SORL1: variants seen among roughly 807,000 people sequenced by gnomAD.
The protein encoded by SORL1 is sortilin related receptor 1.
A neutral mutation model predicts 273.7 loss-of-function variants in SORL1; 127 were observed. The ratio of observed to expected loss-of-function variants is 0.46; its 90% confidence interval spans 0.40 to 0.54. The LOEUF is 0.54. Among genes scored for constraint, SORL1 ranks in the 20% least tolerant of loss-of-function variants. The pLI, the probability that SORL1 is intolerant of heterozygous loss-of-function variation, is 0.00. For missense variants in SORL1, 2,494 were observed against 2,846.1 expected, an observed-to-expected ratio of 0.88 and a Z score of 2.81; for synonymous variants, 1,031 against 1,067.4, an observed-to-expected ratio of 0.97 and a Z score of 0.66.
chr11:121,561,516 G>A (rs1345011892), intron 21 of SORL1, among the ~76,000 whole-genome samples: 1 of 152,080 alleles, frequency 6.6e-6, no homozygotes, highest in East Asian at 1.9e-4. Context: ...TAGATGACAG[G>A]CTGGTTTAAA....
chr11:121,506,674 T>A (rs1861792088), intron 6 of SORL1, among the ~76,000 whole-genome samples: 1 of 152,218 alleles, frequency 6.6e-6, no homozygotes, highest in Non-Finnish European at 1.5e-5. Flanking sequence ...TTTTCATCCT[T>A]GTAGTTTCAA....
At chr11:121,626,831 G>A (rs951948529) in intron 46 of SORL1, 1 of 152,240 alleles carries the variant, frequency 6.6e-6, no homozygotes, top group African/African-American at 2.4e-5. Flanking sequence ...CCAGCAGGAT[G>A]GGACGTGGGG....
At chr11:121,470,364 T>C (rs1192472757) in intron 2 of SORL1, among the ~76,000 whole-genome samples, 2 of 152,232 alleles carry the variant, frequency 1.3e-5, no homozygotes, top group Non-Finnish European at 2.9e-5. Flanking sequence ...TAATAGCATA[T>C]GGACTGGATT....
chr11:121,611,779 G>C (rs533407831), intron 39 of SORL1: 1 of 152,428 alleles, frequency 6.6e-6, no homozygotes, highest in South Asian at 2.1e-4. Context: ...GCAACCTTCA[G>C]AGTCTTTCTG....
In SORL1 at chr11:121,631,046, G is replaced by A. The variant is rs1133174; in HGVS notation, c.*1483G>A. 0.55 allele frequency: 84,184 copies of A among 154,146 alleles called. 24,625 individuals are homozygous for A. Among genetic ancestry groups the A allele is most frequent in the East Asian group, 0.77 (4,199 of 5,480 alleles). 9.5% of individuals were successfully genotyped at this position (154,146 alleles called of 1,614,324 possible). ...ATGTCTCTGAATATGTGTCCTTGAC[G>A]TGCAAGCTTTGTAAAACCCCATCCC... On this transcript the variant is annotated 3_prime_UTR_variant, in exon 48 of 48. Transcript: ENST00000260197.
In SORL1 at chr11:121,612,800, T is replaced by C; in HGVS notation, c.5387T>C (p.Leu1796Ser). The C allele has an allele frequency of 6.2e-7, 1 of 1,614,092 alleles. No individual in the cohort carries two copies. The highest frequency in any genetic ancestry group is 8.5e-7 in the Non-Finnish European group (1 of 1,179,930). Residue 1796 changes from leucine to serine, a missense_variant, in exon 40 of 48, where the codon TTG becomes TCG. Coordinates refer to ENST00000260197, the MANE Select transcript of SORL1 (RefSeq NM_003105.6). ...ACCCACAAGCAAGAGAGGAGAACTTTGAACTTCCGAGGAAGCATATTGTCA... is the reference window on the plus strand; with the variant it reads ...ACCCACAAGCAAGAGAGGAGAACTTCGAACTTCCGAGGAAGCATATTGTCA... The part of the protein sequence containing the change: ...FDTHKQERRT[L>S]NFRGSILSHK...
rs780503121 is a variant in SORL1, at chr11:121,452,565, G to A, written c.234G>A (p.Arg78=). 4.6e-6 allele frequency: 7 copies of A among 1,517,448 alleles called. No homozygotes were observed. Among genetic ancestry groups the A allele is most frequent in the Non-Finnish European group, 5.3e-6 (6 of 1,140,346 alleles). 94.0% of individuals were successfully genotyped at this position (1,517,448 alleles called of 1,614,324 possible). Residue 78 remains arginine (R), a synonymous_variant, in exon 1 of 48, where the codon CGG becomes CGA. Coordinates refer to ENST00000260197, the MANE Select transcript of SORL1 (RefSeq NM_003105.6). The surrounding 1 kb of genome is among the most constrained non-coding windows in gnomAD (Gnocchi z 5.3). ...GASRADEKPL[R]RKRSAALQPE... is the part of the protein sequence containing the mutation. ...GCCGCGCGGACGAGAAGCCGCTCCG[G>A]AGGAAACGGAGCGCTGCCCTGCAGC...
chr11:121,490,787 T>A lies in SORL1; in HGVS notation c.758+677T>A, dbSNP rs1399091931. 6.2e-4 allele frequency among the ~76,000 whole-genome samples: 94 copies of A among 151,982 alleles called. 1 individual carries two copies. The highest frequency in any genetic ancestry group is 6.2e-3 in the Admixed American group (94 of 15,208). On this transcript the variant is annotated intron_variant, in intron 5 of 47. Transcript: ENST00000260197. ...TCCTGCATTTGTTCATAACATTTTC[T>A]TGAATGTCTGTTAAATATAAAACCT...
intron 11 of SORL1, among the ~76,000 whole-genome samples, chr11:121,531,764 A>G (rs951776083): frequency 4.6e-5 from 7 of 152,336 alleles, no homozygotes; most frequent in African/African-American, 1.2e-4. Context: ...GTTCATATAC[A>G]AAATTAGGGG....
intron 18 of SORL1, among the ~76,000 whole-genome samples, chr11:121,556,245 T>G (rs958925729): frequency 6.6e-6 from 1 of 152,088 alleles, no homozygotes; most frequent in Non-Finnish European, 1.5e-5. Flanking sequence ...GAGCTTAGAT[T>G]TTAGTGGAGG....
At chr11:121,618,296 C>T (rs1230601499) in intron 41 of SORL1, among the ~76,000 whole-genome samples, 1 of 152,184 alleles carries the variant, frequency 6.6e-6, no homozygotes, top group Admixed American at 6.5e-5. Context: ...TGCTCTCCTT[C>T]CCTCCCTCCA....
intron 7 of SORL1, 81 bp downstream of exon 7, chr11:121,513,185 C>T (rs1861903478): frequency 4.8e-6 from 5 of 1,037,400 alleles, no homozygotes. Flanking sequence ...GCAGGGATGG[C>T]CTGCTGGAGT....
Position 121,550,176 on chromosome 11 carries a change from A to T in SORL1, c.2180+88A>T, listed in dbSNP as rs1444173091. 7.4e-7 allele frequency: 1 copy of T among 1,356,136 alleles called. No homozygotes were observed. The highest frequency in any genetic ancestry group is 1.0e-6 in the Non-Finnish European group (1 of 1,004,448). 84.0% of individuals were successfully genotyped at this position (1,356,136 alleles called of 1,614,324 possible). A position where few individuals can be genotyped will look rare whatever the true frequency, so the allele number is the denominator to read the frequency against. ...TAGAGGACCGTCTGGATTGCTCTACACTCGAAATTCTAGAATTCCAAGTTA... is the reference window on the plus strand; with the variant it reads ...TAGAGGACCGTCTGGATTGCTCTACTCTCGAAATTCTAGAATTCCAAGTTA... On this transcript the variant is annotated intron_variant, in intron 15 of 47. Coordinates refer to ENST00000260197, the MANE Select transcript of SORL1 (RefSeq NM_003105.6). This position sits in a 1 kb window ranked among gnomAD's most constrained non-coding sequence, Gnocchi z 5.3.
intron 5 of SORL1, among the ~76,000 whole-genome samples, chr11:121,496,171 G>C: frequency 6.6e-6 from 1 of 152,252 alleles, no homozygotes; most frequent in Non-Finnish European, 1.5e-5. Flanking sequence ...GATGACAGAG[G>C]AGAGTAGGAA....
At chr11:121,556,561 G>A (rs1034504265) in intron 18 of SORL1, among the ~76,000 whole-genome samples, 4 of 152,220 alleles carry the variant, frequency 2.6e-5, no homozygotes, top group African/African-American at 9.7e-5. Flanking sequence ...AAGAATGCAG[G>A]TGATGCACAA....
At chr11:121,517,009 G>C (rs1284942896) in intron 8 of SORL1, among the ~76,000 whole-genome samples, 1 of 151,986 alleles carries the variant, frequency 6.6e-6, no homozygotes, top group Non-Finnish European at 1.5e-5. Flanking sequence ...CCAAGATCGT[G>C]CTACTGCACT....
Position 121,550,444 on chromosome 11 carries a change from C to T in SORL1, c.2181-141C>T, listed in dbSNP as rs550238947. ...TATAAGGAGAACTGACTCAGAACTA[C>T]GAACATCCTCTTTCTAGTTCTAAAG... On this transcript the variant is annotated intron_variant, in intron 15 of 47. Transcript: ENST00000260197. This position sits in a 1 kb window ranked among gnomAD's most constrained non-coding sequence, Gnocchi z 5.3. 3.0e-5 allele frequency: 23 copies of T among 777,948 alleles called. No homozygotes were observed. The highest frequency in any genetic ancestry group is 8.0e-5 in the East Asian group (3 of 37,398). The allele number at this position is 777,948 out of a possible 1,614,324, so 48.2% of individuals were successfully genotyped here.
At position 121,559,645 on chromosome 11, in the gene SORL1, G is replaced by T. The variant is rs956621244; in HGVS notation, c.3037G>T (p.Gly1013Trp). The T allele has an allele frequency of 1.2e-6, 2 of 1,613,940 alleles. No homozygotes were observed. The highest frequency in any genetic ancestry group is 2.7e-5 in the African/African-American group (2 of 74,898). The change falls in exon 21 of 48, where the codon GGG becomes TGG. Residue 1013 changes from glycine (G) to tryptophan (W), a missense_variant. Physicochemically the swap from Gly to Trp is radical, Grantham distance 184 (BLOSUM62 -2). Transcript: ENST00000260197. ...GLMDMKIFYK[G>W]KNTGSNACVP... Reference sequence around the variant, plus strand: ...CATGGACATGAAGATTTTCTACAAGGGGAAGAACACTGGTAAGCCAGAGTC... The same window carrying T: ...CATGGACATGAAGATTTTCTACAAGTGGAAGAACACTGGTAAGCCAGAGTC...
chr11:121,538,089 T>C (rs1862292469), intron 12 of SORL1, among the ~76,000 whole-genome samples: 1 of 152,168 alleles, frequency 6.6e-6, no homozygotes, highest in African/African-American at 2.4e-5. Flanking sequence ...GATGTTGAGA[T>C]TTTGTCTTCA....
Sources: allele counts gnomAD v4.1 joint callset (sites outside exome capture counted in the v4.1 genomes callset), GRCh38; gene constraint gnomAD v4.1.1; non-coding constraint Gnocchi (gnomAD v3.1); transcripts MANE v1.5; gene names NCBI Gene and HGNC (gene_info 2026-07-23, HGNC 2026-07-21).